The following ADAMTS17 variants were observed in gnomAD, a reference collection of about 807,000 sequenced individuals.
ADAMTS17 encodes the protein A disintegrin and metalloproteinase with thrombospondin motifs 17.
Under a neutral mutation model 141.5 loss-of-function variants are expected in ADAMTS17, and 113 were observed. The ratio of observed to expected loss-of-function variants is 0.80; its 90% CI spans 0.69 to 0.93. The LOEUF is 0.93. Ranked by LOEUF, ADAMTS17 falls within the 40% of genes least tolerant of loss-of-function variation. The pLI is 0.00. For missense variants in ADAMTS17, 1,659 were observed against 1,517.9 expected (o/e 1.09, Z -1.54); for synonymous variants, 768 against 630.6 (o/e 1.22, Z -3.27).
At chr15:100,116,787 T>A in intron 13 of ADAMTS17, 60 bp downstream of exon 13, 1 of 1,612,184 alleles carries the variant, frequency 6.2e-7, no homozygotes, top group Non-Finnish European at 8.5e-7. Flanking sequence ...CCTAGGTGGT[T>A]TTTATATTCT....
At chr15:100,039,186 C>T (rs1000658796) in intron 18 of ADAMTS17, among the ~76,000 whole-genome samples, 5 of 152,108 alleles carry the variant, frequency 3.3e-5, no homozygotes, top group Non-Finnish European at 7.4e-5. Flanking sequence ...TTGATTTCTT[C>T]CTATAGTTAA....
At chr15:100,317,749 T>C (rs1048253043) in intron 3 of ADAMTS17, among the ~76,000 whole-genome samples, 5 of 152,078 alleles carry the variant, frequency 3.3e-5, no homozygotes, top group Non-Finnish European at 5.9e-5. Flanking sequence ...ATGCATGTGG[T>C]TTTCTTCTCA....
chr15:99,975,288 C>T (rs1217391104), intron 21 of ADAMTS17, among the ~76,000 whole-genome samples: 1 of 152,242 alleles, frequency 6.6e-6, no homozygotes, highest in Non-Finnish European at 1.5e-5. Flanking sequence ...CGGCTCACTA[C>T]AACCTCTGCC....
intron 8 of ADAMTS17, among the ~76,000 whole-genome samples, chr15:100,192,963 C>G (rs1433448634): frequency 6.6e-6 from 1 of 152,212 alleles, no homozygotes; most frequent in Non-Finnish European, 1.5e-5. Flanking sequence ...GAGCTGCAGG[C>G]CAGGCAAGCA....
At chr15:100,077,911 G>A (rs2034490036) in intron 15 of ADAMTS17, among the ~76,000 whole-genome samples, 1 of 152,094 alleles carries the variant, frequency 6.6e-6, no homozygotes, top group Admixed American at 6.5e-5. Flanking sequence ...TAAGATTGCA[G>A]GATACAAGGC....
intron 18 of ADAMTS17, among the ~76,000 whole-genome samples, chr15:100,016,361 G>T (rs925263138): frequency 1.3e-5 from 2 of 152,064 alleles, no homozygotes; most frequent in African/African-American, 4.8e-5. Context: ...TATTTTTTCA[G>T]GTAAATCAGA....
In ADAMTS17 at chr15:100,105,263, G is replaced by A. The variant is rs138851147; in HGVS notation, c.2016+3726C>T. ...GTAGGCAGGGTCTCTGCAGTGGCAG[G>A]GTGAGGCTCCCAAGGAGCAAAAGAC... On this transcript the variant is annotated intron_variant, in intron 14 of 21. Coordinates refer to ENST00000268070, the MANE Select transcript of ADAMTS17 (RefSeq NM_139057.4). 1.6e-3 allele frequency among the ~76,000 whole-genome samples: 242 copies of A among 152,336 alleles called. 2 individuals carry two copies. The highest frequency in any genetic ancestry group is 5.2e-3 in the Admixed American group (80 of 15,308).
At chr15:100,211,099 C>CAAATAAATAAAT (rs372084235) in intron 7 of ADAMTS17, among the ~76,000 whole-genome samples, 12,947 of 131,762 alleles carry the variant, frequency 0.098, 881 homozygotes, top group Non-Finnish European at 0.14. Context: ...GACTCAGTCT[C>CAAATAAATAAAT]AAATAAATAA....
At chr15:100,097,442 T>A (rs576650882) in intron 14 of ADAMTS17, among the ~76,000 whole-genome samples, 10 of 152,312 alleles carry the variant, frequency 6.6e-5, no homozygotes, top group African/African-American at 2.4e-4. Flanking sequence ...CTTCCCGTGA[T>A]GCCTGGACGA....
chr15:100,081,437 AAT>A (rs2034729532), intron 15 of ADAMTS17, among the ~76,000 whole-genome samples: 1 of 152,236 alleles, frequency 6.6e-6, no homozygotes, highest in Admixed American at 6.5e-5. Context: ...ACAGAACCCT[AAT>A]ACATGGCTGC....
intron 7 of ADAMTS17, among the ~76,000 whole-genome samples, chr15:100,210,747 CTTGAGGTCAGGAGT>C (rs2041774129): frequency 6.6e-6 from 1 of 151,966 alleles, no homozygotes; most frequent in Admixed American, 6.6e-5. Context: ...GGGTGGATCA[CTTGAGGTCAGGAGT>C]TTGAGGCCAG....
chr15:100,285,083 C>T (rs1317218870), intron 3 of ADAMTS17, among the ~76,000 whole-genome samples: 1 of 152,218 alleles, frequency 6.6e-6, no homozygotes, highest in Admixed American at 6.5e-5. Flanking sequence ...CTTTTGCCAG[C>T]ACCTTGCTGG....
At chr15:100,085,210 T>C (rs996374296) in intron 15 of ADAMTS17, among the ~76,000 whole-genome samples, 10 of 152,214 alleles carry the variant, frequency 6.6e-5, no homozygotes, top group Admixed American at 6.5e-4. Flanking sequence ...AAGGCCTCAG[T>C]AGCCGACGTG....
At chr15:100,310,937 A>G (rs1287684338) in intron 3 of ADAMTS17, among the ~76,000 whole-genome samples, 1 of 152,230 alleles carries the variant, frequency 6.6e-6, no homozygotes, top group Non-Finnish European at 1.5e-5. Flanking sequence ...CAGGCTTTGC[A>G]AAAGGACCCA....
At chr15:100,024,283 ATGT>A (rs2061464546) in intron 18 of ADAMTS17, among the ~76,000 whole-genome samples, 2 of 152,198 alleles carry the variant, frequency 1.3e-5, no homozygotes, top group African/African-American at 2.4e-5. Flanking sequence ...TTTTGTAGAG[ATGT>A]TGTCTCATTT....
intron 3 of ADAMTS17, among the ~76,000 whole-genome samples, chr15:100,301,491 A>G (rs980065045): frequency 7.5e-6 from 1 of 133,320 alleles, no homozygotes; most frequent in South Asian, 2.4e-4. Flanking sequence ...CACCGGGCTA[A>G]TTTTTTTTTT....
chr15:99,991,983 G>T (rs1315742386), intron 20 of ADAMTS17, among the ~76,000 whole-genome samples: 1 of 152,032 alleles, frequency 6.6e-6, no homozygotes, highest in Non-Finnish European at 1.5e-5. Context: ...GAGAACATAT[G>T]GACACAGGGA....
chr15:100,095,526 C>T lies in ADAMTS17; in HGVS notation c.2137+830G>A, dbSNP rs561603946. On this transcript the variant is annotated intron_variant, in intron 15 of 21. Transcript: ENST00000268070. Reference sequence around the variant, plus strand: ...TGAACTGAGAAGCTTCTATGCAGAGCAACTTGTGGAAATTAAAATAAGTTT... The same window carrying T: ...TGAACTGAGAAGCTTCTATGCAGAGTAACTTGTGGAAATTAAAATAAGTTT... Among the ~76,000 whole-genome samples the T allele has an allele frequency of 5.2e-3, 792 of 152,256 alleles. 3 individuals carry two copies. Among genetic ancestry groups the T allele is most frequent in the South Asian group, 0.027 (132 of 4,820 alleles).
chr15:100,074,350 T>C lies in ADAMTS17; in HGVS notation c.2138-20296A>G, dbSNP rs542788482. On this transcript the variant is annotated intron_variant, in intron 15 of 21. Transcript: ENST00000268070. ...GCTTACGGTTATATAGAGTGTATAA[T>C]AACATCTCATATATAACATATTTTA... 4.6e-5 allele frequency among the ~76,000 whole-genome samples: 7 copies of C among 152,194 alleles called. No homozygotes were observed. In the South Asian group the frequency reaches 1.2e-3, roughly 27 times the overall value.
Sources: allele counts gnomAD v4.1 joint callset (sites outside exome capture counted in the v4.1 genomes callset), GRCh38; gene constraint gnomAD v4.1.1; transcripts MANE v1.5; gene names NCBI Gene and HGNC (gene_info 2026-07-23, HGNC 2026-07-21).